Variants in TMEM39B observed in about 807,000 individuals in gnomAD.
The protein encoded by TMEM39B is transmembrane protein 39B.
A neutral mutation model predicts 52.2 loss-of-function variants in TMEM39B; 23 were observed. The ratio of observed to expected loss-of-function variants is 0.44; its 90% CI spans 0.32 to 0.62. The LOEUF is 0.62. TMEM39B is among the 20% of genes least tolerant of loss of function. The pLI is 0.06. For synonymous variants in TMEM39B, 285 were observed against 264.0 expected (o/e 1.08, Z -0.77); for missense variants, 547 against 642.0 (o/e 0.85, Z 1.60).
chr1:32,083,065 C>T lies in TMEM39B; in HGVS notation c.590+5747C>T, dbSNP rs1268843260. ...CTGGGATTACAAGCGTGAGCCACCG[C>T]GCCCAGCCTGGTTTTTTTTTTTTTT... On this transcript the variant is annotated intron_variant, in intron 5 of 8. Coordinates refer to ENST00000336294, the MANE Select transcript of TMEM39B (RefSeq NM_018056.4). 6.0e-5 allele frequency among the ~76,000 whole-genome samples: 9 copies of T among 149,446 alleles called. No individual in the cohort carries two copies. In the East Asian group the frequency reaches 1.8e-3, roughly 29 times the overall value.
At chr1:32,083,736 T>G (rs1640216924) in intron 5 of TMEM39B, among the ~76,000 whole-genome samples, 1 of 152,058 alleles carries the variant, frequency 6.6e-6, no homozygotes, top group South Asian at 2.1e-4. Flanking sequence ...AGGACTTCTT[T>G]AAAGGACCTG....
At position 32,077,298 on chromosome 1, in the gene TMEM39B, C is replaced by A. The variant is rs1267717901; in HGVS notation, c.570C>A (p.Asn190Lys). 6.2e-7 allele frequency: 1 copy of A among 1,614,210 alleles called. No homozygotes were observed. Among genetic ancestry groups the A allele is most frequent in the African/African-American group, 1.3e-5 (1 of 75,058 alleles). ...TCTTCAGGACCTACTCCTTCCTGAA[C>A]CTCCTGTTCCTCTGCTATCCGTGAG... ...IHLFRTYSFL[N>K]LLFLCYPFGM... is the part of the protein sequence containing the mutation. Residue 190 changes from asparagine (N) to lysine (K), a missense_variant, in exon 5 of 9, where the codon AAC (asparagine) becomes AAA (lysine). Asn to Lys is a moderately conservative substitution (Grantham distance 94). Coordinates refer to ENST00000336294, the MANE Select transcript of TMEM39B (RefSeq NM_018056.4).
intron 5 of TMEM39B, among the ~76,000 whole-genome samples, chr1:32,089,402 G>C (rs951442807): frequency 6.6e-6 from 1 of 151,844 alleles, no homozygotes; most frequent in African/African-American, 2.4e-5. Context: ...GAAGTGCTGG[G>C]ATTACAGGTT....
chr1:32,096,804 G>T (rs542946725), intron 7 of TMEM39B, among the ~76,000 whole-genome samples: 1 of 146,940 alleles, frequency 6.8e-6, no homozygotes, highest in East Asian at 2.1e-4. Context: ...AGTGAAATGT[G>T]CAATCCTTTT....
intron 8 of TMEM39B, among the ~76,000 whole-genome samples, chr1:32,101,450 ACAAT>A (rs1641016684): frequency 2.7e-5 from 4 of 150,832 alleles, no homozygotes. Flanking sequence ...TTTAAAAAAA[ACAAT>A]CAGAGGCCAA....
At position 32,091,707 on chromosome 1, in the gene TMEM39B, A is replaced by G; in HGVS notation, c.623A>G (p.Asn208Ser). Residue 208 changes from asparagine (N) to serine (S), a missense_variant, in exon 6 of 9, where the codon AAT (asparagine) becomes AGT (serine). Asn to Ser is a conservative substitution (Grantham distance 46). Transcript: ENST00000336294. ...FGMYIPFLQL[N>S]CDLRKTSLFN... ...ATGTACATTCCGTTCCTGCAGCTGAATTGCGACCTCCGCAAGACAAGCCTC... is the reference window on the plus strand; with the variant it reads ...ATGTACATTCCGTTCCTGCAGCTGAGTTGCGACCTCCGCAAGACAAGCCTC... 5.6e-6 allele frequency: 9 copies of G among 1,611,520 alleles called. No individual in the cohort carries two copies. The highest frequency in any genetic ancestry group is 6.8e-6 in the Non-Finnish European group (8 of 1,178,230).
chr1:32,082,153 GAC>G (rs1368910821), intron 5 of TMEM39B, among the ~76,000 whole-genome samples: 1 of 151,790 alleles, frequency 6.6e-6, no homozygotes, highest in African/African-American at 2.4e-5. Flanking sequence ...TTTTATGTAA[GAC>G]AAGAATATTA....
Position 32,072,953 on chromosome 1 carries a change from G to C in TMEM39B, c.-95G>C, listed in dbSNP as rs1639695949. 2 of 1,481,890 alleles carry C rather than the reference G, an allele frequency of 1.3e-6. No homozygotes were observed. Among genetic ancestry groups the C allele is most frequent in the Non-Finnish European group, 1.8e-6 (2 of 1,101,768 alleles). The allele number at this position is 1,481,890 out of a possible 1,614,324, so 91.8% of individuals were successfully genotyped here. ...AGCGCGCGGCTGATACCCGGGACTG[G>C]GCTGCGGCGGTTAGTCCTCTCCCGG... On this transcript the variant is annotated 5_prime_UTR_variant, in exon 1 of 9. Transcript: ENST00000336294.
intron 7 of TMEM39B, among the ~76,000 whole-genome samples, chr1:32,097,184 T>C (rs554299699): frequency 9.5e-4 from 144 of 152,222 alleles, no homozygotes; most frequent in Admixed American, 2.0e-3. Context: ...ATTCAAGATA[T>C]AGAACATTTC....
At chr1:32,098,854 G>A (rs1033641106) in intron 7 of TMEM39B, among the ~76,000 whole-genome samples, 9 of 152,236 alleles carry the variant, frequency 5.9e-5, no homozygotes, top group African/African-American at 2.2e-4. Flanking sequence ...AGATCCTCCC[G>A]CTCAAGGGCT....
chr1:32,100,373 G>T, intron 7 of TMEM39B, 69 bp from the exon 8 acceptor site: 1 of 1,485,672 alleles, frequency 6.7e-7, no homozygotes, highest in Middle Eastern at 2.0e-4. Flanking sequence ...ATTCCCTCCT[G>T]CCCATTCTTC....
chr1:32,090,382 A>T (rs1319621135), intron 5 of TMEM39B, among the ~76,000 whole-genome samples: 1 of 152,044 alleles, frequency 6.6e-6, no homozygotes, highest in Non-Finnish European at 1.5e-5. Context: ...TTGTTCCTGA[A>T]CCGCCCTCTG....
At chr1:32,101,434 C>T (rs756599034) in intron 8 of TMEM39B, among the ~76,000 whole-genome samples, 5 of 151,720 alleles carry the variant, frequency 3.3e-5, no homozygotes, top group Admixed American at 6.6e-5. Context: ...TCCCCTCCCC[C>T]CCTTTTTTAA....
chr1:32,081,138 AT>A (rs1427426143), intron 5 of TMEM39B, among the ~76,000 whole-genome samples: 1 of 151,890 alleles, frequency 6.6e-6, no homozygotes, highest in Non-Finnish European at 1.5e-5. Flanking sequence ...CCGCCTCCAG[AT>A]TTTTAGTCCC....
chr1:32,100,155 G>A lies in TMEM39B; in HGVS notation c.1116-287G>A, dbSNP rs1350030750. Among the ~76,000 whole-genome samples, 5 of 152,144 alleles carry A rather than the reference G, an allele frequency of 3.3e-5. 1 individual carries two copies. Among genetic ancestry groups the A allele is most frequent in the Non-Finnish European group, 7.3e-5 (5 of 68,028 alleles). ...TGTGGTGGACCACTTGGAGGCAAGA[G>A]GTGAGACCAGATGAAGCAAAGGGAC... On this transcript the variant is annotated intron_variant, in intron 7 of 8. Coordinates refer to ENST00000336294, the MANE Select transcript of TMEM39B (RefSeq NM_018056.4).
In TMEM39B at chr1:32,100,474, T is replaced by G; in HGVS notation, c.1148T>G (p.Val383Gly). ...GAAGAATGCATGTGGCCGCAGGGCG[T>G]GCTGGTGAAGCACAGCAAGAACGTC... ...WTEECMWPQG[V>G]LVKHSKNVYK... is the part of the protein sequence containing the mutation. The change falls in exon 8 of 9, where the codon GTG becomes GGG. Residue 383 changes from valine to glycine, a missense_variant. Coordinates refer to ENST00000336294, the MANE Select transcript of TMEM39B (RefSeq NM_018056.4). 6.2e-7 allele frequency: 1 copy of G among 1,610,244 alleles called. No homozygotes were observed.
At chr1:32,072,281 C>A (rs1424411303), upstream of TMEM39B, 1 of 152,124 alleles carries the variant, frequency 6.6e-6, no homozygotes, top group Non-Finnish European at 1.5e-5. Context: ...CTCCAAACAT[C>A]GTGATGGCTA....
intron 5 of TMEM39B, among the ~76,000 whole-genome samples, chr1:32,088,349 G>A (rs933978116): frequency 1.3e-5 from 2 of 151,496 alleles, no homozygotes; most frequent in East Asian, 1.9e-4. Context: ...CCTGGGAGGC[G>A]GAGCTTGCAG....
intron 5 of TMEM39B, among the ~76,000 whole-genome samples, chr1:32,079,612 T>C (rs1557913281): frequency 6.6e-6 from 1 of 151,882 alleles, no homozygotes. Context: ...TAGCACATTA[T>C]AGCATAGAAT....
Sources: gnomAD v4.1 joint callset for allele counts (sites outside exome capture counted in the v4.1 genomes callset) on GRCh38, gnomAD v4.1.1 for gene constraint, MANE v1.5 for transcripts, NCBI Gene and HGNC (gene_info 2026-07-23, HGNC 2026-07-21) for gene names.